Variants in RABGAP1L observed in about 807,000 individuals in gnomAD.
RABGAP1L encodes the protein rab GTPase-activating protein 1-like.
In RABGAP1L, 63 loss-of-function variants were observed where a neutral mutation model predicts 137.7. That is an observed-to-expected ratio of 0.46 (90% CI 0.37 to 0.56). The LOEUF is 0.56. Ranked by LOEUF, RABGAP1L falls within the 20% of genes least tolerant of loss-of-function variation. RABGAP1L has a pLI of 0.00. For missense variants in RABGAP1L, 1,095 were observed against 1,244.0 expected (o/e 0.88, Z 1.80); for synonymous variants, 431 against 433.7 (o/e 0.99, Z 0.08).
At chr1:174,837,161 C>T (rs1001868593) in intron 19 of RABGAP1L, among the ~76,000 whole-genome samples, 10 of 150,900 alleles carry the variant, frequency 6.6e-5, no homozygotes, top group African/African-American at 1.2e-4. Flanking sequence ...GAGCCGAGAT[C>T]GTGCCATTGC....
chr1:174,410,019 C>A (rs190901379), intron 13 of RABGAP1L, among the ~76,000 whole-genome samples: 2 of 152,244 alleles, frequency 1.3e-5, no homozygotes, highest in Non-Finnish European at 2.9e-5. Flanking sequence ...TCTTTGTTAT[C>A]CTTTTTGCCC....
chr1:174,809,196 C>A (rs1203853687), intron 18 of RABGAP1L, among the ~76,000 whole-genome samples: 1 of 152,206 alleles, frequency 6.6e-6, no homozygotes, highest in Non-Finnish European at 1.5e-5. Flanking sequence ...CTCTTCTCTT[C>A]TTGAGCTTAA....
At chr1:174,576,674 G>C (rs1051658194) in intron 13 of RABGAP1L, among the ~76,000 whole-genome samples, 1 of 152,098 alleles carries the variant, frequency 6.6e-6, no homozygotes, top group African/African-American at 2.4e-5. Flanking sequence ...TTATGTTTAA[G>C]TATGGTTCCC....
chr1:174,933,772 G>T (rs1664261136), intron 19 of RABGAP1L, among the ~76,000 whole-genome samples: 1 of 152,100 alleles, frequency 6.6e-6, no homozygotes. Flanking sequence ...CTGCATCTAG[G>T]TTATCTCTGG....
chr1:174,327,049 CA>C (rs927942686), intron 11 of RABGAP1L, among the ~76,000 whole-genome samples: 2 of 150,964 alleles, frequency 1.3e-5, no homozygotes, highest in African/African-American at 4.9e-5. Context: ...ATCTGCCTTG[CA>C]AAAAAAGGTG....
At chr1:174,833,905 AGT>A (rs1322642385) in intron 19 of RABGAP1L, among the ~76,000 whole-genome samples, 2 of 152,148 alleles carry the variant, frequency 1.3e-5, no homozygotes, top group Non-Finnish European at 2.9e-5. Flanking sequence ...TTTCTGAGGA[AGT>A]GACATTGTAA....
Position 174,946,844 on chromosome 1 carries a change from T to C in RABGAP1L, c.2341-10613T>C, listed in dbSNP as rs962747137. The stretch of plus-strand genomic sequence containing the variant: ...TGAACTCAGTGGGCAGAGGTTGCAG[T>C]GAGCCGAGATCATGCCACTTCACTC... On this transcript the variant is annotated intron_variant, in intron 19 of 25. Transcript: ENST00000681986. 5.0e-5 allele frequency among the ~76,000 whole-genome samples: 7 copies of C among 138,630 alleles called. No homozygotes were observed. In the East Asian group the frequency reaches 6.3e-4, roughly 12 times the overall value. 90.9% of individuals were successfully genotyped at this position (138,630 alleles called of 152,430 possible).
chr1:174,305,561 T>G (rs1678133561), intron 11 of RABGAP1L, among the ~76,000 whole-genome samples: 1 of 151,938 alleles, frequency 6.6e-6, no homozygotes, highest in Non-Finnish European at 1.5e-5. Flanking sequence ...TTTTTTTGTA[T>G]TTTTAGTAGA....
intron 1 of RABGAP1L, among the ~76,000 whole-genome samples, chr1:174,209,408 A>G (rs1668716802): frequency 6.6e-6 from 1 of 152,108 alleles, no homozygotes; most frequent in South Asian, 2.1e-4. Flanking sequence ...ATTCACCAGA[A>G]ACTGACTGAA....
At chr1:174,639,036 TAA>T (rs541148505) in intron 14 of RABGAP1L, among the ~76,000 whole-genome samples, 20 of 130,454 alleles carry the variant, frequency 1.5e-4, no homozygotes, top group Non-Finnish European at 1.2e-4. Context: ...TAAAGTGTAA[TAA>T]AAAAAAAAAA....
At chr1:174,240,188 G>C (rs1671675950) in intron 4 of RABGAP1L, among the ~76,000 whole-genome samples, 1 of 152,082 alleles carries the variant, frequency 6.6e-6, no homozygotes, top group Non-Finnish European at 1.5e-5. Flanking sequence ...AAGGGGTCTT[G>C]AATGTGTAGA....
At chr1:174,169,794 G>A (rs987219402) in intron 1 of RABGAP1L, among the ~76,000 whole-genome samples, 1 of 152,046 alleles carries the variant, frequency 6.6e-6, no homozygotes. Flanking sequence ...GTCTCAAAGC[G>A]ATTCTCCAAC....
At chr1:174,490,379 G>T (rs1427489552) in intron 13 of RABGAP1L, among the ~76,000 whole-genome samples, 1 of 152,138 alleles carries the variant, frequency 6.6e-6, no homozygotes, top group Admixed American at 6.5e-5. Context: ...GAAGAGTTCT[G>T]TGGATTACCA....
At chr1:174,636,502 C>A (rs566774242) in intron 13 of RABGAP1L, among the ~76,000 whole-genome samples, 1 of 148,618 alleles carries the variant, frequency 6.7e-6, no homozygotes, top group Non-Finnish European at 1.5e-5. Context: ...TACTCCAGCC[C>A]GGGCAACAGT....
intron 17 of RABGAP1L, among the ~76,000 whole-genome samples, chr1:174,724,998 G>A (rs969288204): frequency 6.6e-5 from 10 of 152,190 alleles, no homozygotes; most frequent in Admixed American, 6.5e-4. Context: ...AGTTGGCCAA[G>A]AGGTAGGTAG....
chr1:174,262,972 C>T (rs953922073), intron 7 of RABGAP1L, among the ~76,000 whole-genome samples: 1 of 152,244 alleles, frequency 6.6e-6, no homozygotes, highest in Non-Finnish European at 1.5e-5. Flanking sequence ...CAGGGACATC[C>T]AGTGATGCTG....
intron 19 of RABGAP1L, among the ~76,000 whole-genome samples, chr1:174,878,329 C>T (rs1558181119): frequency 6.6e-6 from 1 of 152,158 alleles, no homozygotes; most frequent in Admixed American, 6.5e-5. Flanking sequence ...TGGGTTCAAG[C>T]AACTCTCCTG....
intron 19 of RABGAP1L, among the ~76,000 whole-genome samples, chr1:174,875,324 C>T (rs1485610806): frequency 6.6e-6 from 1 of 152,098 alleles, no homozygotes; most frequent in Admixed American, 6.5e-5. Context: ...TTTTTCTGGT[C>T]CTTTTCTTTT....
chr1:174,980,757 C>T (rs1370406202), intron 23 of RABGAP1L, among the ~76,000 whole-genome samples: 1 of 152,150 alleles, frequency 6.6e-6, no homozygotes, highest in Non-Finnish European at 1.5e-5. Flanking sequence ...TAATCAAAGA[C>T]ATATTATTGG....
Sources: gnomAD v4.1 joint callset for allele counts (sites outside exome capture counted in the v4.1 genomes callset) on GRCh38, gnomAD v4.1.1 for gene constraint, MANE v1.5 for transcripts, NCBI Gene and HGNC (gene_info 2026-07-23, HGNC 2026-07-21) for gene names.